PBRM1: variants seen among roughly 807,000 people sequenced by gnomAD.
The protein encoded by PBRM1 is protein polybromo-1.
PBRM1 carries 27 observed loss-of-function variants against 194.5 expected under a neutral mutation model. The ratio of observed to expected loss-of-function variants is 0.14; its 90% CI spans 0.10 to 0.19. PBRM1 has a LOEUF of 0.19. PBRM1 is among the 10% of genes least tolerant of loss of function. PBRM1 has a pLI of 1.00. For missense variants in PBRM1, 1,466 were observed against 2,077.2 expected (o/e 0.71, Z 5.72); for synonymous variants, 655 against 693.2 (o/e 0.94, Z 0.87).
intron 17 of PBRM1, among the ~76,000 whole-genome samples, chr3:52,601,585 T>TG (rs1417746388): frequency 1.7e-5 from 2 of 120,048 alleles, no homozygotes; most frequent in Non-Finnish European, 3.6e-5. Context: ...CTAAGTAATG[T>TG]GGGGGGTGGG....
chr3:52,680,426 T>C (rs2097183766), upstream of PBRM1, among the ~76,000 whole-genome samples: 1 of 152,234 alleles, frequency 6.6e-6, no homozygotes, highest in Non-Finnish European at 1.5e-5. Flanking sequence ...GAAACTCTTC[T>C]GTTAATTCAA....
chr3:52,642,788 A>ATTT (rs879552929), intron 9 of PBRM1, among the ~76,000 whole-genome samples: 2 of 139,910 alleles, frequency 1.4e-5, no homozygotes, highest in Non-Finnish European at 1.6e-5. Context: ...TAGTAATTCA[A>ATTT]TTTTTTTTTT....
At chr3:52,634,456 AGGTAATGAACAGTT>A in intron 11 of PBRM1, 132 bp downstream of exon 12, 1 of 538,606 alleles carries the variant, frequency 1.9e-6, no homozygotes, top group African/African-American at 1.9e-5. Context: ...AAAAAAAAAA[AGGTAATGAACAGTT>A]AAAATTTGAG....
chr3:52,630,405 A>C (rs777935724), intron 11 of PBRM1, among the ~76,000 whole-genome samples: 38 of 152,212 alleles, frequency 2.5e-4, no homozygotes, highest in Non-Finnish European at 4.4e-5. Context: ...TGGCTATTTA[A>C]ATTAAAATTA....
chr3:52,589,489 C>T (rs2092794436), intron 17 of PBRM1, among the ~76,000 whole-genome samples: 1 of 152,162 alleles, frequency 6.6e-6, no homozygotes, highest in Admixed American at 6.5e-5. Context: ...TATAACTACA[C>T]AAAGGATGTA....
intron 22 of PBRM1, among the ~76,000 whole-genome samples, chr3:52,565,906 G>A (rs6798246): frequency 0.34 from 51,322 of 151,682 alleles, 9,688 homozygotes; most frequent in Admixed American, 0.46. Context: ...AAAAATTAGC[G>A]GGGTGTGGTT....
chr3:52,566,654 G>A (rs2085314668), intron 22 of PBRM1, among the ~76,000 whole-genome samples: 1 of 152,178 alleles, frequency 6.6e-6, no homozygotes, highest in Non-Finnish European at 1.5e-5. Flanking sequence ...TAGGGCCAGG[G>A]GGAAGGGGAA....
intron 3 of PBRM1, among the ~76,000 whole-genome samples, chr3:52,662,774 C>T (rs1446868788): frequency 2.7e-5 from 4 of 150,214 alleles, no homozygotes; most frequent in Non-Finnish European, 5.9e-5. Flanking sequence ...TGCAGTGAGC[C>T]GAGATTGCGC....
chr3:52,569,289 C>T (rs1016661620), intron 22 of PBRM1, among the ~76,000 whole-genome samples: 4 of 151,396 alleles, frequency 2.6e-5, no homozygotes, highest in African/African-American at 9.7e-5. Context: ...CGGTTCATTG[C>T]AAGCTCCGCC....
intron 11 of PBRM1, among the ~76,000 whole-genome samples, chr3:52,629,559 T>C (rs1343533675): frequency 1.3e-5 from 2 of 152,344 alleles, no homozygotes; most frequent in East Asian, 3.9e-4. Context: ...GAGAGATAGA[T>C]ATGTCAGAGT....
At chr3:52,548,038 AT>A in exon 30 of PBRM1, 1 of 1,593,310 alleles carries the variant, frequency 6.3e-7, no homozygotes, top group Non-Finnish European at 8.6e-7. Context: ...TTATGCTTCT[AT>A]ATAAAAGAAA....
At chr3:52,587,446 T>A in exon 19 of PBRM1, 1 of 1,612,790 alleles carries the variant, frequency 6.2e-7, no homozygotes, top group South Asian at 1.1e-5. Flanking sequence ...CTAGAAATTT[T>A]CGTGTAGCCA....
intron 16 of PBRM1, among the ~76,000 whole-genome samples, chr3:52,607,260 C>T (rs907868359): frequency 6.6e-6 from 1 of 152,122 alleles, no homozygotes; most frequent in African/African-American, 2.4e-5. Flanking sequence ...TTAAGAATGG[C>T]TCCCCGTATG....
At chr3:52,628,294 C>T (rs2095507896) in intron 12 of PBRM1, among the ~76,000 whole-genome samples, 1 of 151,114 alleles carries the variant, frequency 6.6e-6, no homozygotes, top group South Asian at 2.1e-4. Context: ...GGACCAATCC[C>T]TGCTTCCTCC....
At chr3:52,588,066 T>C (rs1417389328) in intron 18 of PBRM1, among the ~76,000 whole-genome samples, 3 of 152,092 alleles carry the variant, frequency 2.0e-5, no homozygotes, top group Non-Finnish European at 2.9e-5. Flanking sequence ...AAAAGCCATA[T>C]AAAGTACATA....
intron 1 of PBRM1, among the ~76,000 whole-genome samples, 187 bp from the exon 3 acceptor site, chr3:52,678,784 G>A (rs957312269): frequency 1.3e-5 from 2 of 152,142 alleles, no homozygotes; most frequent in African/African-American, 2.4e-5. Flanking sequence ...CAACTGAGTT[G>A]ACTAACTTTT....
At chr3:52,571,857 A>C (rs2087432324) in intron 22 of PBRM1, among the ~76,000 whole-genome samples, 1 of 47,980 alleles carries the variant, frequency 2.1e-5, no homozygotes, top group Non-Finnish European at 4.5e-5. Context: ...TCATCTCCCC[A>C]AAAAAAAAAA....
At chr3:52,634,857 T>A (rs1412946534) in intron 10 of PBRM1, 42 bp from the exon 12 acceptor site, 7 of 1,349,226 alleles carry the variant, frequency 5.2e-6, no homozygotes, top group African/African-American at 1.5e-5. Flanking sequence ...ACGAATGAGA[T>A]GAAGAAAGAA....
chr3:52,675,831 G>T lies in PBRM1; in HGVS notation c.236+2669C>A, dbSNP rs1050960185. On this transcript the variant is annotated intron_variant, in intron 2 of 29. Transcript: ENST00000296302. The stretch of plus-strand genomic sequence containing the variant: ...GATACACACATATAAAGAATGAAGC[G>T]GGGGCCGGGCGCGGTGGCTCACGCC... Among the ~76,000 whole-genome samples, 2 of 143,372 alleles carry T rather than the reference G, an allele frequency of 1.4e-5. 1 individual carries two copies. The highest frequency in any genetic ancestry group is 3.0e-5 in the Non-Finnish European group (2 of 65,946). The allele number at this position is 143,372 out of a possible 152,430, so 94.1% of individuals were successfully genotyped here.
Sources: allele counts gnomAD v4.1 joint callset (sites outside exome capture counted in the v4.1 genomes callset), GRCh38; gene constraint gnomAD v4.1.1; transcripts MANE v1.5; gene names NCBI Gene and HGNC (gene_info 2026-07-23, HGNC 2026-07-21).